The following LRBA variants were observed in gnomAD, a reference collection of about 807,000 sequenced individuals.
The protein encoded by LRBA is LPS responsive beige-like anchor protein.
In LRBA, 176 loss-of-function variants were observed where a neutral mutation model predicts 330.0. The ratio of observed to expected loss-of-function variants is 0.53; its 90% confidence interval spans 0.47 to 0.60. The LOEUF is 0.60. Among genes scored for constraint, LRBA ranks in the 20% least tolerant of loss-of-function variants. The probability of loss-of-function intolerance (pLI) is 0.00; values close to 1 mark genes in which losing one functional copy is unlikely to be tolerated. For missense variants in LRBA, 3,259 were observed against 3,444.8 expected (o/e 0.95, Z 1.35); for synonymous variants, 1,230 against 1,193.0 (o/e 1.03, Z -0.64).
At chr4:150,655,666 C>G (rs1206932435) in intron 37 of LRBA, among the ~76,000 whole-genome samples, 2 of 152,146 alleles carry the variant, frequency 1.3e-5, no homozygotes, top group Non-Finnish European at 2.9e-5. Context: ...ATACAAATGG[C>G]CAGTGCTGTT....
intron 37 of LRBA, among the ~76,000 whole-genome samples, chr4:150,657,953 C>A (rs967754892): frequency 6.6e-6 from 1 of 151,578 alleles, no homozygotes; most frequent in Non-Finnish European, 1.5e-5. Context: ...AGATCTGGCT[C>A]CCAAAGATAA....
chr4:150,488,110 G>C (rs539639253), intron 41 of LRBA, among the ~76,000 whole-genome samples: 3 of 151,400 alleles, frequency 2.0e-5, no homozygotes, highest in Non-Finnish European at 4.4e-5. Flanking sequence ...ATGAAGTTGA[G>C]ATTATGAGAC....
chr4:150,857,551 C>T (rs1225648163), intron 22 of LRBA, among the ~76,000 whole-genome samples: 1 of 152,102 alleles, frequency 6.6e-6, no homozygotes, highest in African/African-American at 2.4e-5. Context: ...TTAGCAATAT[C>T]TACTAAAAAC....
intron 36 of LRBA, among the ~76,000 whole-genome samples, chr4:150,729,174 C>T (rs575546665): frequency 8.5e-5 from 13 of 152,092 alleles, no homozygotes; most frequent in East Asian, 7.7e-4. Context: ...AAAAATTAGC[C>T]GGACATAGTG....
At chr4:150,406,706 A>G (rs1440976552) in intron 47 of LRBA, among the ~76,000 whole-genome samples, 8 of 152,190 alleles carry the variant, frequency 5.3e-5, no homozygotes, top group East Asian at 1.9e-4. Flanking sequence ...CCCCAGGAAG[A>G]TATCAGGTCC....
chr4:150,472,832 T>C (rs565503494), intron 42 of LRBA, among the ~76,000 whole-genome samples: 142 of 152,256 alleles, frequency 9.3e-4, no homozygotes, highest in Non-Finnish European at 1.6e-3. Context: ...AGTTCATTCC[T>C]TTTTATTGCT....
intron 44 of LRBA, among the ~76,000 whole-genome samples, chr4:150,443,355 C>A (rs1297253785): frequency 6.6e-6 from 1 of 152,098 alleles, no homozygotes; most frequent in African/African-American, 2.4e-5. Flanking sequence ...TGGGTATATA[C>A]CCAAAGGAAT....
chr4:150,577,048 A>G (rs1470210860), intron 40 of LRBA, among the ~76,000 whole-genome samples: 1 of 151,972 alleles, frequency 6.6e-6, no homozygotes, highest in Admixed American at 6.6e-5. Context: ...TTCAAGGCAA[A>G]CATTCAATTA....
At chr4:150,519,148 C>T (rs1023695070) in intron 40 of LRBA, among the ~76,000 whole-genome samples, 6 of 152,044 alleles carry the variant, frequency 3.9e-5, no homozygotes, top group Non-Finnish European at 8.8e-5. Context: ...AAGCCTTGCA[C>T]ATTTAAGAAT....
chr4:150,428,759 C>A (rs569981693), intron 46 of LRBA, among the ~76,000 whole-genome samples: 7 of 152,202 alleles, frequency 4.6e-5, no homozygotes, highest in African/African-American at 1.7e-4. Context: ...TTAACTCAAG[C>A]ATTTTTAGAC....
chr4:150,579,221 C>T (rs114088376), intron 40 of LRBA: 1 of 456,660 alleles, frequency 2.2e-6, no homozygotes, highest in South Asian at 1.5e-5. Flanking sequence ...TACTAACATA[C>T]ATAAAAGCAG....
At chr4:150,960,891 T>C (rs1488401996) in intron 2 of LRBA, among the ~76,000 whole-genome samples, 2 of 149,450 alleles carry the variant, frequency 1.3e-5, no homozygotes, top group African/African-American at 5.2e-5. Context: ...CTGTATTAAA[T>C]ACATATAACA....
rs1056739667 is a variant in LRBA, at chr4:150,484,208, T to G, written c.6551+3524A>C. On this transcript the variant is annotated intron_variant, in intron 42 of 56. Transcript: ENST00000651943. ...GGTCTCATATAATGTTTTTGGCAAT[T>G]TAACCTCCTTTTCTATTTTTTGCAA... Among the ~76,000 whole-genome samples the G allele has an allele frequency of 1.7e-4, 26 of 152,036 alleles. 1 individual carries two copies. Among genetic ancestry groups the G allele is most frequent in the Admixed American group, 1.2e-3 (18 of 15,214 alleles).
intron 18 of LRBA, 59 bp from the exon 19 acceptor site, chr4:150,871,512 T>C (rs1753438169): frequency 6.3e-6 from 6 of 957,320 alleles, no homozygotes; most frequent in Non-Finnish European, 1.0e-5. Context: ...CTACTTAATA[T>C]GCATGCTGGA....
chr4:150,620,295 T>C (rs4235248), intron 37 of LRBA, among the ~76,000 whole-genome samples: 47,076 of 151,998 alleles, frequency 0.31, 8,835 homozygotes, highest in Non-Finnish European at 0.42. Context: ...TATTAAAAAG[T>C]CAAAAAACAG....
At chr4:150,341,057 G>A (rs1735470240) in intron 48 of LRBA, among the ~76,000 whole-genome samples, 1 of 152,182 alleles carries the variant, frequency 6.6e-6, no homozygotes, top group Non-Finnish European at 1.5e-5. Flanking sequence ...ACAGAAAAAG[G>A]TGACCTGGTC....
At chr4:150,476,502 T>C (rs1002398554) in intron 42 of LRBA, among the ~76,000 whole-genome samples, 15 of 152,010 alleles carry the variant, frequency 9.9e-5, no homozygotes, top group Admixed American at 3.3e-4. Context: ...CCAAGGAGCA[T>C]GGAATCAAAA....
intron 46 of LRBA, among the ~76,000 whole-genome samples, chr4:150,435,369 A>AAAAACT (rs1253277632): frequency 6.6e-6 from 1 of 152,076 alleles, no homozygotes; most frequent in Non-Finnish European, 1.5e-5. Context: ...AAACAAAAAC[A>AAAAACT]AAAACAAAAA....
intron 40 of LRBA, among the ~76,000 whole-genome samples, chr4:150,560,424 G>A (rs1768166419): frequency 6.6e-6 from 1 of 152,250 alleles, no homozygotes; most frequent in South Asian, 2.1e-4. Flanking sequence ...TCCAGAAGCA[G>A]TTATTCTATC....
Sources: gnomAD v4.1 joint callset for allele counts (sites outside exome capture counted in the v4.1 genomes callset) on GRCh38, gnomAD v4.1.1 for gene constraint, MANE v1.5 for transcripts, NCBI Gene and HGNC (gene_info 2026-07-23, HGNC 2026-07-21) for gene names.